Variants in KIF1A observed in about 807,000 individuals in gnomAD.
KIF1A encodes the protein kinesin-like protein KIF1A.
Under a neutral mutation model 227.3 loss-of-function variants are expected in KIF1A, and 46 were observed. That is an observed-to-expected ratio of 0.20 (90% CI 0.16 to 0.26). KIF1A has a LOEUF of 0.26. Ranked by LOEUF, KIF1A falls within the 10% of genes least tolerant of loss-of-function variation. The probability of loss-of-function intolerance (pLI) is 1.00; values close to 1 mark genes in which losing one functional copy is unlikely to be tolerated. For synonymous variants in KIF1A, 1,022 were observed against 1,012.8 expected (o/e 1.01, Z -0.17); for missense variants, 1,683 against 2,485.9 (o/e 0.68, Z 6.87).
intron 20 of KIF1A, among the ~76,000 whole-genome samples, chr2:240,765,138 G>C (rs2051008156): frequency 6.6e-6 from 1 of 152,222 alleles, no homozygotes; most frequent in East Asian, 1.9e-4. Flanking sequence ...AACTGCGTGG[G>C]CAATAGTCAC....
At chr2:240,807,126 GTGTGTA>G (rs764082058) in intron 1 of KIF1A, among the ~76,000 whole-genome samples, 2,767 of 100,440 alleles carry the variant, frequency 0.028, 25 homozygotes, top group Non-Finnish European at 0.039. Context: ...GTGTGTGTGT[GTGTGTA>G]TATATATATA....
rs903815857 is a variant in KIF1A at position 240,717,006 on chromosome 2, C to T, written c.*358G>A. On this transcript the variant is annotated 3_prime_UTR_variant, in exon 49 of 49. Coordinates refer to ENST00000498729, the MANE Select transcript of KIF1A (RefSeq NM_001244008.2). The stretch of plus-strand genomic sequence containing the variant: ...TAGAACAAGTCTTATAGTTAATTTC[C>T]GAGTTGACTGTTTCAATGTCACTAA... 1.5e-5 allele frequency: 4 copies of T among 258,812 alleles called. No homozygotes were observed. Among genetic ancestry groups the T allele is most frequent in the African/African-American group, 4.4e-5 (2 of 45,574 alleles). The allele number at this position is 258,812 out of a possible 1,614,324, so 16.0% of individuals were successfully genotyped here.
At chr2:240,767,113 G>T in intron 18 of KIF1A, 92 bp from the exon 19 acceptor site, 2 of 1,197,888 alleles carry the variant, frequency 1.7e-6, no homozygotes, top group Non-Finnish European at 2.4e-6. Context: ...AACCAGGATT[G>T]TTTGGGAAAC....
intron 15 of KIF1A, among the ~76,000 whole-genome samples, 158 bp from the exon 16 acceptor site, chr2:240,769,864 A>T: frequency 6.6e-6 from 1 of 152,212 alleles, no homozygotes. Context: ...GGTAAAGCTC[A>T]GAGAATGTCT....
intron 37 of KIF1A, among the ~76,000 whole-genome samples, chr2:240,738,399 G>C (rs942846205): frequency 2.0e-5 from 3 of 152,152 alleles, no homozygotes; most frequent in Non-Finnish European, 2.9e-5. Flanking sequence ...CCCTTTCGCT[G>C]ACCCTGTGCC....
chr2:240,722,409 C>T (rs1272362030), intron 43 of KIF1A, 47 bp downstream of exon 43: 11 of 1,527,568 alleles, frequency 7.2e-6, no homozygotes, highest in Non-Finnish European at 7.0e-6. Context: ...ACTCAGGGCC[C>T]TTGAGGGCCT....
intron 45 of KIF1A, chr2:240,720,139 G>A: frequency 2.2e-6 from 1 of 453,938 alleles, no homozygotes. Flanking sequence ...GGCTTGGTGG[G>A]CAGGGTCCCC....
intron 10 of KIF1A, 34 bp downstream of exon 10, chr2:240,782,556 C>T (rs1170651927): frequency 6.5e-6 from 10 of 1,550,184 alleles, no homozygotes; most frequent in Admixed American, 3.9e-5. Flanking sequence ...ACCAGCCTCC[C>T]GCACCTGCCC....
At chr2:240,802,660 G>T (rs767973717) in intron 1 of KIF1A, among the ~76,000 whole-genome samples, 26 of 152,136 alleles carry the variant, frequency 1.7e-4, no homozygotes, top group Non-Finnish European at 3.1e-4. Flanking sequence ...TTTGAGACCG[G>T]GTCTCCTGTC....
chr2:240,760,582 C>T (rs1392964191), intron 25 of KIF1A, 83 bp downstream of exon 25: 10 of 1,125,012 alleles, frequency 8.9e-6, no homozygotes, highest in Middle Eastern at 6.1e-4. Context: ...CGCTGTGAAG[C>T]CTGTGCCTAC....
intron 44 of KIF1A, 144 bp downstream of exon 44, chr2:240,721,663 T>C: frequency 2.9e-6 from 2 of 700,884 alleles, no homozygotes; most frequent in South Asian, 1.7e-5. Flanking sequence ...CACTTAGGTA[T>C]GAGGTGTCCC....
intron 2 of KIF1A, among the ~76,000 whole-genome samples, chr2:240,791,028 C>T (rs1313137124): frequency 6.6e-6 from 1 of 152,172 alleles, no homozygotes; most frequent in African/African-American, 2.4e-5. Flanking sequence ...GTTTCAGGTC[C>T]CACCTGCGCC....
At chr2:240,816,288 GTGTC>G (rs962578639) in intron 1 of KIF1A, among the ~76,000 whole-genome samples, 11 of 151,546 alleles carry the variant, frequency 7.3e-5, no homozygotes, top group African/African-American at 2.0e-4. Flanking sequence ...GTGTGTATGA[GTGTC>G]TGTGTGTGTG....
chr2:240,742,752 A>T (rs1267876208), intron 34 of KIF1A, among the ~76,000 whole-genome samples, 177 bp downstream of exon 34: 5 of 152,174 alleles, frequency 3.3e-5, no homozygotes, highest in African/African-American at 9.7e-5. Context: ...GGCACAGGGC[A>T]GACCCTTGCT....
At chr2:240,756,465 G>A (rs1215218748) in intron 27 of KIF1A, among the ~76,000 whole-genome samples, 1 of 152,156 alleles carries the variant, frequency 6.6e-6, no homozygotes, top group African/African-American at 2.4e-5. Context: ...CTGCTCCCTG[G>A]GTCTGGGCTT....
At chr2:240,814,157 G>T (rs1016084978) in intron 1 of KIF1A, among the ~76,000 whole-genome samples, 1 of 151,750 alleles carries the variant, frequency 6.6e-6, no homozygotes, top group East Asian at 1.9e-4. Flanking sequence ...AGGAAATTAC[G>T]AACAAATAGA....
intron 1 of KIF1A, among the ~76,000 whole-genome samples, chr2:240,803,822 T>C (rs918150361): frequency 5.3e-5 from 8 of 152,240 alleles, no homozygotes; most frequent in African/African-American, 1.9e-4. Context: ...AATGTTTGAT[T>C]GTTCTACACT....
At chr2:240,731,879 AGGGATGAG>A (rs1299374836) in intron 38 of KIF1A, among the ~76,000 whole-genome samples, 9 of 25,746 alleles carry the variant, frequency 3.5e-4, no homozygotes, top group African/African-American at 1.2e-3. Flanking sequence ...TTGGGGGGTA[AGGGATGAG>A]GGGAGGAGGG....
chr2:240,773,843 GT>G (rs917884058), intron 12 of KIF1A, among the ~76,000 whole-genome samples: 2 of 149,550 alleles, frequency 1.3e-5, no homozygotes, highest in Non-Finnish European at 3.0e-5. Flanking sequence ...ACACACCTAT[GT>G]CCCCTCTGCT....
Sources: gnomAD v4.1 joint callset for allele counts (sites outside exome capture counted in the v4.1 genomes callset) on GRCh38, gnomAD v4.1.1 for gene constraint, MANE v1.5 for transcripts, NCBI Gene and HGNC (gene_info 2026-07-23, HGNC 2026-07-21) for gene names.